Variants in TOM1L2 observed in about 807,000 individuals in gnomAD.
The protein encoded by TOM1L2 is TOM1-like protein 2.
In TOM1L2, 31 loss-of-function variants were observed where a neutral mutation model predicts 67.9. That is an observed-to-expected ratio of 0.46 (90% confidence interval 0.34 to 0.62). The LOEUF is 0.62. TOM1L2 is among the 20% of genes least tolerant of loss of function. The probability of loss-of-function intolerance (pLI) is 0.01; values close to 1 mark genes in which losing one functional copy is unlikely to be tolerated. For synonymous variants in TOM1L2, 256 were observed against 254.0 expected, an observed-to-expected ratio of 1.01 and a Z score of -0.07; for missense variants, 606 against 663.5, an observed-to-expected ratio of 0.91 and a Z score of 0.95.
At chr17:17,891,400 G>T (rs553533021) in intron 4 of TOM1L2, among the ~76,000 whole-genome samples, 1 of 152,318 alleles carries the variant, frequency 6.6e-6, no homozygotes, top group East Asian at 1.9e-4. Context: ...GTGTGGAGGG[G>T]TGATCCTGAT....
At chr17:17,893,396 A>G (rs1183309453) in intron 4 of TOM1L2, among the ~76,000 whole-genome samples, 2 of 152,236 alleles carry the variant, frequency 1.3e-5, no homozygotes, top group Admixed American at 1.3e-4. Flanking sequence ...AGGCCTGTTG[A>G]GGCCACCCTA....
intron 8 of TOM1L2, 152 bp from the exon 9 acceptor site, chr17:17,867,076 A>T (rs2036891690): frequency 1.4e-6 from 1 of 719,122 alleles, no homozygotes; most frequent in African/African-American, 1.7e-5. Context: ...CAACTCTGCC[A>T]CGGCTTCCTC....
intron 12 of TOM1L2, among the ~76,000 whole-genome samples, chr17:17,854,272 G>T (rs2036147580): frequency 1.3e-5 from 2 of 152,148 alleles, no homozygotes; most frequent in African/African-American, 4.8e-5. Context: ...AACTGTGGGA[G>T]GCCGAGGACG....
intron 12 of TOM1L2, 75 bp from the exon 13 acceptor site, chr17:17,851,027 G>A (rs2035945889): frequency 1.3e-6 from 2 of 1,547,470 alleles, no homozygotes; most frequent in South Asian, 2.2e-5. Context: ...CGGAACAAAG[G>A]AAATCATCAA....
At chr17:17,870,910 C>T (rs901971484) in intron 7 of TOM1L2, among the ~76,000 whole-genome samples, 1 of 152,214 alleles carries the variant, frequency 6.6e-6, no homozygotes, top group African/African-American at 2.4e-5. Flanking sequence ...CCTGCATGTC[C>T]CTGGTATCCT....
intron 4 of TOM1L2, 108 bp from the exon 5 acceptor site, chr17:17,884,876 C>T (rs1681388272): frequency 5.5e-6 from 8 of 1,443,958 alleles, no homozygotes; most frequent in Non-Finnish European, 6.6e-6. Context: ...CTCCTACTTG[C>T]ACATGCAAAT....
intron 4 of TOM1L2, among the ~76,000 whole-genome samples, chr17:17,892,106 T>C (rs920572953): frequency 1.3e-5 from 2 of 152,102 alleles, no homozygotes; most frequent in African/African-American, 4.8e-5. Context: ...ACAGAGAGTG[T>C]GTGTGCTTAA....
rs759751295 is a variant in TOM1L2, at chr17:17,893,776, C to T, written c.251G>A (p.Arg84His). The change falls in exon 4 of 15, where the codon CGC becomes CAC. Residue 84 changes from arginine to histidine, a missense_variant. Coordinates refer to ENST00000379504, the MANE Select transcript of TOM1L2 (RefSeq NM_001082968.2). ...LETCVKNCGH[R>H]FHILVANRDF... ...TCGGTTGGCCACAAGGATGTGGAAG[C>T]GGTGGCCACAGTTCTTCACACATGT... 6.2e-6 allele frequency: 10 copies of T among 1,614,052 alleles called. No individual in the cohort carries two copies. Among genetic ancestry groups the T allele is most frequent in the East Asian group, 2.2e-5 (1 of 44,876 alleles).
At chr17:17,918,725 G>A (rs577414962) in intron 1 of TOM1L2, among the ~76,000 whole-genome samples, 55 of 152,320 alleles carry the variant, frequency 3.6e-4, no homozygotes, top group African/African-American at 1.3e-3. Flanking sequence ...TCCAGCACCT[G>A]ATAGTACAGT....
chr17:17,934,934 T>C (rs1314360086), intron 1 of TOM1L2, among the ~76,000 whole-genome samples: 1 of 152,118 alleles, frequency 6.6e-6, no homozygotes, highest in Admixed American at 6.6e-5. Flanking sequence ...GAAATGCGGG[T>C]TCATTACTCA....
chr17:17,860,876 C>T (rs1364436648), intron 12 of TOM1L2, among the ~76,000 whole-genome samples: 1 of 152,208 alleles, frequency 6.6e-6, no homozygotes, highest in East Asian at 1.9e-4. Context: ...TGTGCCGCAC[C>T]CCCTCACCGC....
At chr17:17,857,797 A>G (rs1437208375) in intron 12 of TOM1L2, 3 of 1,535,634 alleles carry the variant, frequency 2.0e-6, no homozygotes, top group Non-Finnish European at 2.6e-6. Context: ...CCAGCTGTCT[A>G]TGGGCTCCAG....
chr17:17,852,813 C>T (rs1057289270), intron 12 of TOM1L2, among the ~76,000 whole-genome samples: 2 of 143,208 alleles, frequency 1.4e-5, no homozygotes, highest in Non-Finnish European at 3.0e-5. Flanking sequence ...TGCAGTGAGC[C>T]GAGATCACGC....
At chr17:17,925,445 C>CAAA (rs2040043327) in intron 1 of TOM1L2, among the ~76,000 whole-genome samples, 1 of 151,836 alleles carries the variant, frequency 6.6e-6, no homozygotes, top group African/African-American at 2.4e-5. Context: ...ATTACTGTTA[C>CAAA]AAAAAGAAGG....
chr17:17,882,985 C>T (rs2037810410), intron 5 of TOM1L2, 122 bp from the exon 6 acceptor site: 1 of 1,174,028 alleles, frequency 8.5e-7, no homozygotes, highest in African/African-American at 1.5e-5. Context: ...AGGCCCTGCT[C>T]CACTGCTGCC....
At position 17,879,999 on chromosome 17, in the gene TOM1L2, G is replaced by A. The variant is rs1033562754; in HGVS notation, c.661-256C>T. ...GACTGTGACACGAAAGCAGTACCAC[G>A]TAGTGAAGGGCTCCGTGTCAGGAGT... On this transcript the variant is annotated intron_variant, in intron 6 of 14. Transcript: ENST00000379504. 6.6e-5 allele frequency among the ~76,000 whole-genome samples: 10 copies of A among 152,162 alleles called. 1 individual carries two copies. The highest frequency in any genetic ancestry group is 5.2e-4 in the Admixed American group (8 of 15,278).
At chr17:17,861,226 C>G (rs1157822795) in intron 12 of TOM1L2, among the ~76,000 whole-genome samples, 1 of 152,174 alleles carries the variant, frequency 6.6e-6, no homozygotes, top group Non-Finnish European at 1.5e-5. Context: ...AGCCTGTCTC[C>G]CACCTGCCTG....
At chr17:17,968,168 C>A (rs1027549566) in intron 1 of TOM1L2, among the ~76,000 whole-genome samples, 1 of 152,182 alleles carries the variant, frequency 6.6e-6, no homozygotes, top group African/African-American at 2.4e-5. Flanking sequence ...TTACCTCTAC[C>A]GAAGGCTCCC....
At chr17:17,872,180 T>C (rs970839695) in intron 7 of TOM1L2, 3 of 315,642 alleles carry the variant, frequency 9.5e-6, no homozygotes, top group African/African-American at 4.5e-5. Context: ...GAATGAAGCA[T>C]ACTCAGGAGT....
Sources: allele counts gnomAD v4.1 joint callset (sites outside exome capture counted in the v4.1 genomes callset), GRCh38; gene constraint gnomAD v4.1.1; transcripts MANE v1.5; gene names NCBI Gene and HGNC (gene_info 2026-07-23, HGNC 2026-07-21).